Variants in RAPGEF5 observed in about 807,000 individuals in gnomAD.
RAPGEF5 encodes M-Ras-regulated GEF.
A neutral mutation model predicts 125.2 loss-of-function variants in RAPGEF5; 65 were observed. The observed-to-expected ratio is 0.52, with a 90% CI of 0.43 to 0.64. The LOEUF is 0.64. RAPGEF5 is among the 30% of genes least tolerant of loss of function. The probability of loss-of-function intolerance (pLI) is 0.00; values close to 1 mark genes in which losing one functional copy is unlikely to be tolerated. For synonymous variants in RAPGEF5, 391 were observed against 385.9 expected (o/e 1.01, Z -0.16); for missense variants, 958 against 1,048.1 (o/e 0.91, Z 1.19).
chr7:22,263,116 G>C (rs1782195523), intron 7 of RAPGEF5, among the ~76,000 whole-genome samples: 3 of 152,172 alleles, frequency 2.0e-5, no homozygotes, highest in Admixed American at 2.0e-4. Flanking sequence ...TGAAATGACA[G>C]AAATAGAGAA....
chr7:22,315,081 C>T (rs533303103), intron 3 of RAPGEF5, among the ~76,000 whole-genome samples: 33 of 152,276 alleles, frequency 2.2e-4, no homozygotes, highest in African/African-American at 7.0e-4. Flanking sequence ...CCCCCTCACC[C>T]GCTGCAAAAT....
chr7:22,177,669 C>A (rs947979809), intron 11 of RAPGEF5, among the ~76,000 whole-genome samples: 1 of 152,216 alleles, frequency 6.6e-6, no homozygotes, highest in Non-Finnish European at 1.5e-5. Context: ...CCCCTCATAT[C>A]CACCCTAGAA....
At chr7:22,216,908 A>G (rs1343032051) in intron 9 of RAPGEF5, among the ~76,000 whole-genome samples, 1 of 152,246 alleles carries the variant, frequency 6.6e-6, no homozygotes, top group Non-Finnish European at 1.5e-5. Context: ...AGTTAAGAAA[A>G]TATTAGAAAT....
At chr7:22,196,579 C>T (rs1379710857) in intron 9 of RAPGEF5, among the ~76,000 whole-genome samples, 1 of 152,146 alleles carries the variant, frequency 6.6e-6, no homozygotes, top group Non-Finnish European at 1.5e-5. Flanking sequence ...AGTTAATAGG[C>T]TCCATGACAA....
intron 7 of RAPGEF5, among the ~76,000 whole-genome samples, chr7:22,257,666 G>A (rs1326372231): frequency 2.6e-5 from 4 of 152,186 alleles, no homozygotes; most frequent in Admixed American, 1.3e-4. Context: ...AATGCACAGT[G>A]AATCAGTCAG....
intron 14 of RAPGEF5, 65 bp from the exon 15 acceptor site, chr7:22,157,950 C>T (rs1434682724): frequency 6.1e-6 from 9 of 1,476,700 alleles, no homozygotes; most frequent in African/African-American, 2.8e-5. Flanking sequence ...GTTATTGTTA[C>T]GGAAGACTAA....
chr7:22,194,512 T>C (rs2128126419), intron 9 of RAPGEF5: 3 of 859,774 alleles, frequency 3.5e-6, no homozygotes, highest in Non-Finnish European at 4.2e-6. Flanking sequence ...TCAATACATA[T>C]ATTCATTTAC....
rs1391774933 is a variant in RAPGEF5, at chr7:22,164,011, G to C, written c.1284-1470C>G. ...AAAAAATCTGTTTCTATTTCTTTTA[G>C]TTTTTCTCTTGAAAGGCAAAATATA... is the stretch of plus-strand genomic sequence containing the variant. On this transcript the variant is annotated intron_variant, in intron 12 of 25. Coordinates refer to ENST00000665637, the MANE Select transcript of RAPGEF5 (RefSeq NM_012294.5). 4.6e-5 allele frequency among the ~76,000 whole-genome samples: 7 copies of C among 152,124 alleles called. 1 individual carries two copies. Among genetic ancestry groups the C allele is most frequent in the Non-Finnish European group, 1.0e-4 (7 of 68,024 alleles).
At chr7:22,142,529 A>G (rs1783297043) in intron 20 of RAPGEF5, among the ~76,000 whole-genome samples, 1 of 152,224 alleles carries the variant, frequency 6.6e-6, no homozygotes. Flanking sequence ...AAAACCCATA[A>G]AAACACACAT....
At chr7:22,242,010 G>A (rs1360972415) in intron 7 of RAPGEF5, among the ~76,000 whole-genome samples, 1 of 152,174 alleles carries the variant, frequency 6.6e-6, no homozygotes, top group Non-Finnish European at 1.5e-5. Context: ...GAAGTGACAG[G>A]TTGGAAAAGT....
chr7:22,221,378 G>A (rs2128132839), intron 8 of RAPGEF5, among the ~76,000 whole-genome samples: 1 of 152,266 alleles, frequency 6.6e-6, no homozygotes, highest in African/African-American at 2.4e-5. Flanking sequence ...TTAAAGCAAT[G>A]GAAACTAGGC....
Position 22,291,590 on chromosome 7 carries a change from A to G in RAPGEF5, c.681-349T>C, listed in dbSNP as rs1161508848. ...AAATAAAAGGTGGTTAAGTGCTGAA[A>G]TTTCCTAAATCTAAATGGAATCCAG... On this transcript the variant is annotated intron_variant, in intron 5 of 25. Coordinates refer to ENST00000665637, the MANE Select transcript of RAPGEF5 (RefSeq NM_012294.5). Among the ~76,000 whole-genome samples, 3 of 152,234 alleles carry G rather than the reference A, an allele frequency of 2.0e-5. No individual in the cohort carries two copies. The East Asian group carries it at 5.8e-4, about 29-fold the overall frequency.
chr7:22,159,406 C>A (rs1454411592), intron 14 of RAPGEF5, among the ~76,000 whole-genome samples: 1 of 152,180 alleles, frequency 6.6e-6, no homozygotes, highest in East Asian at 1.9e-4. Context: ...TTAAGTCAAG[C>A]TTTAAATCAC....
intron 11 of RAPGEF5, among the ~76,000 whole-genome samples, chr7:22,180,152 T>C (rs1242840621): frequency 6.6e-6 from 1 of 152,202 alleles, no homozygotes; most frequent in Non-Finnish European, 1.5e-5. Context: ...CATATTTCTT[T>C]GAAGAAACAA....
chr7:22,296,191 A>T (rs1456012329), intron 5 of RAPGEF5, among the ~76,000 whole-genome samples: 1 of 152,216 alleles, frequency 6.6e-6, no homozygotes, highest in Non-Finnish European at 1.5e-5. Context: ...ACTGACCTCT[A>T]CTGTGTTTAG....
chr7:22,125,717 A>G (rs1191544092), intron 24 of RAPGEF5, 59 bp from the exon 25 acceptor site: 1 of 1,463,418 alleles, frequency 6.8e-7, no homozygotes, highest in Non-Finnish European at 9.6e-7. Context: ...TTACTGAAGA[A>G]GCAGTGCCTG....
chr7:22,221,214 C>A, intron 8 of RAPGEF5, among the ~76,000 whole-genome samples: 1 of 152,308 alleles, frequency 6.6e-6, no homozygotes, highest in East Asian at 1.9e-4. Flanking sequence ...TTTTCAGTTC[C>A]TTTCTAAAGT....
chr7:22,191,423 C>A, intron 11 of RAPGEF5: 1 of 361,932 alleles, frequency 2.8e-6, no homozygotes, highest in Non-Finnish European at 5.8e-6. Flanking sequence ...AAGTTGTTAC[C>A]ATTTTGCCAC....
chr7:22,148,604 C>T (rs1026760652), intron 18 of RAPGEF5, among the ~76,000 whole-genome samples: 7 of 152,094 alleles, frequency 4.6e-5, no homozygotes, highest in African/African-American at 1.4e-4. Flanking sequence ...TAGGTGGTGT[C>T]AAGAGTTGGC....
Sources: allele counts gnomAD v4.1 joint callset (sites outside exome capture counted in the v4.1 genomes callset), GRCh38; gene constraint gnomAD v4.1.1; transcripts MANE v1.5; gene names NCBI Gene and HGNC (gene_info 2026-07-23, HGNC 2026-07-21).